Variants in CPS1 observed in about 807,000 individuals in gnomAD.
CPS1 encodes carbamoyl-phosphate synthase [ammonia], mitochondrial.
CPS1 carries 109 observed loss-of-function variants against 174.6 expected under a neutral mutation model. That is an observed-to-expected ratio of 0.62 (90% CI 0.53 to 0.73). The LOEUF (loss-of-function observed/expected upper bound fraction) is 0.73, where lower values mean the gene tolerates loss of function less well. Among genes scored for constraint, CPS1 ranks in the 30% least tolerant of loss-of-function variants. CPS1 has a pLI of 0.00. For missense variants in CPS1, 1,689 were observed against 1,821.9 expected (o/e 0.93, Z 1.33); for synonymous variants, 637 against 632.0 (o/e 1.01, Z -0.12).
Position 210,591,818 on chromosome 2 carries a change from C to CTT in CPS1, c.948-10_948-9dup. 1 of 1,611,314 alleles carries CTT rather than the reference C, an allele frequency of 6.2e-7. No homozygotes were observed. Among genetic ancestry groups the CTT allele is most frequent in the Non-Finnish European group, 8.5e-7 (1 of 1,178,324 alleles). On this transcript the variant is annotated splice_polypyrimidine_tract_variant and intron_variant, in intron 9 of 37. Coordinates refer to ENST00000233072, the MANE Select transcript of CPS1 (RefSeq NM_001875.5). ...TTTCCTTTTCCCTATTCTTTTTCTC[C>CTT]TTTTCTCTCCAGAGGGCAGAATCAG...
At chr2:210,629,103 G>C (rs1454643323) in intron 21 of CPS1, among the ~76,000 whole-genome samples, 1 of 152,070 alleles carries the variant, frequency 6.6e-6, no homozygotes, top group Non-Finnish European at 1.5e-5. Flanking sequence ...TTTAAATTCT[G>C]TACACATAAA....
At chr2:210,611,975 T>TTC in intron 19 of CPS1, 142 bp from the exon 20 acceptor site, 1 of 773,836 alleles carries the variant, frequency 1.3e-6, no homozygotes, top group Non-Finnish European at 2.0e-6. Flanking sequence ...GAACACCTTT[T>TTC]TTTTTTTTTA....
chr2:210,607,994 G>A (rs543985390), intron 18 of CPS1, among the ~76,000 whole-genome samples: 50 of 151,866 alleles, frequency 3.3e-4, no homozygotes, highest in African/African-American at 1.1e-3. Flanking sequence ...GTACAGATAT[G>A]TATATATTTT....
chr2:210,508,261 C>A (rs2105971131), intron 1 of CPS1, among the ~76,000 whole-genome samples: 1 of 151,890 alleles, frequency 6.6e-6, no homozygotes, highest in Admixed American at 6.6e-5. Flanking sequence ...AACTGAACAA[C>A]CTGCTCCTGA....
chr2:210,588,212 T>G (rs1698170286), intron 7 of CPS1, 65 bp downstream of exon 7: 3 of 1,389,372 alleles, frequency 2.2e-6, no homozygotes, highest in Non-Finnish European at 3.1e-6. Context: ...TCAGCTAATT[T>G]CCTCTGTCAC....
intron 1 of CPS1, among the ~76,000 whole-genome samples, chr2:210,499,880 A>G (rs535052305): frequency 1.2e-3 from 183 of 152,228 alleles, no homozygotes; most frequent in Admixed American, 1.9e-3. Flanking sequence ...CTTTCACAAT[A>G]TCAGGGGATT....
intron 1 of CPS1, among the ~76,000 whole-genome samples, chr2:210,500,189 T>G (rs1695103841): frequency 6.6e-6 from 1 of 152,090 alleles, no homozygotes; most frequent in Non-Finnish European, 1.5e-5. Flanking sequence ...ATCCCGCCCT[T>G]GACACCTGGG....
At chr2:210,517,277 T>C (rs939221223) in intron 1 of CPS1, among the ~76,000 whole-genome samples, 1 of 152,000 alleles carries the variant, frequency 6.6e-6, no homozygotes, top group Non-Finnish European at 1.5e-5. Context: ...TAATATACTT[T>C]ATTGGTGCAT....
intron 37 of CPS1, 35 bp from the exon 38 acceptor site, chr2:210,677,852 A>G: frequency 6.8e-7 from 1 of 1,470,348 alleles, no homozygotes; most frequent in African/African-American, 1.4e-5. Context: ...CTTTTATCTC[A>G]TGGAGGGTGC....
chr2:210,646,929 T>A (rs1361625857), intron 25 of CPS1, among the ~76,000 whole-genome samples: 1 of 151,702 alleles, frequency 6.6e-6, no homozygotes, highest in African/African-American at 2.4e-5. Context: ...TGAGATTTAG[T>A]GGACTATTTT....
upstream of CPS1, among the ~76,000 whole-genome samples, chr2:210,553,599 C>G (rs1437892854): frequency 6.6e-6 from 1 of 151,924 alleles, no homozygotes; most frequent in East Asian, 1.9e-4. Context: ...GATGTGTGTG[C>G]CTGCATTCAT....
intron 3 of CPS1, among the ~76,000 whole-genome samples, chr2:210,576,852 G>A (rs1468679362): frequency 1.3e-5 from 2 of 151,912 alleles, no homozygotes; most frequent in Non-Finnish European, 2.9e-5. Context: ...AGCCTCTAGG[G>A]GATGATTTAA....
intron 7 of CPS1, 118 bp downstream of exon 7, chr2:210,588,265 T>G: frequency 1.2e-6 from 1 of 852,916 alleles, no homozygotes; most frequent in Non-Finnish European, 2.0e-6. Flanking sequence ...GGGTCTACAT[T>G]CTTCTTGTTG....
At chr2:210,554,134 C>CAT (rs199593035), upstream of CPS1, among the ~76,000 whole-genome samples, 11 of 129,008 alleles carry the variant, frequency 8.5e-5, no homozygotes, top group Admixed American at 4.0e-4. Context: ...TATATACATA[C>CAT]ATATATATAT....
chr2:210,512,617 C>G (rs1393418612), intron 1 of CPS1, among the ~76,000 whole-genome samples: 1 of 150,232 alleles, frequency 6.7e-6, no homozygotes, highest in African/African-American at 2.4e-5. Context: ...TAATGGGCAC[C>G]TAGGTTGATT....
At chr2:210,495,255 G>T (rs1221734101) in intron 1 of CPS1, among the ~76,000 whole-genome samples, 3 of 151,986 alleles carry the variant, frequency 2.0e-5, no homozygotes, top group Non-Finnish European at 4.4e-5. Flanking sequence ...TTATTTGTAG[G>T]TCATCTGTCC....
intron 17 of CPS1, among the ~76,000 whole-genome samples, chr2:210,606,068 A>G (rs1698897243): frequency 6.6e-6 from 1 of 151,966 alleles, no homozygotes; most frequent in Non-Finnish European, 1.5e-5. Flanking sequence ...ATGCAAGACC[A>G]AGACTGATTA....
chr2:210,578,723 C>A (rs983508485), intron 4 of CPS1, among the ~76,000 whole-genome samples: 1 of 152,092 alleles, frequency 6.6e-6, no homozygotes, highest in Non-Finnish European at 1.5e-5. Flanking sequence ...TATCCTGGGC[C>A]ATAGCCATTT....
At chr2:210,659,546 A>T (rs1310304743) in intron 31 of CPS1, among the ~76,000 whole-genome samples, 1 of 152,170 alleles carries the variant, frequency 6.6e-6, no homozygotes, top group African/African-American at 2.4e-5. Context: ...CATCATGGCC[A>T]CACTGGGGAC....
Sources: allele counts gnomAD v4.1 joint callset (sites outside exome capture counted in the v4.1 genomes callset), GRCh38; gene constraint gnomAD v4.1.1; transcripts MANE v1.5; gene names NCBI Gene and HGNC (gene_info 2026-07-23, HGNC 2026-07-21).